The following MAST2 variants were observed in gnomAD, a reference collection of about 807,000 sequenced individuals.
MAST2 encodes microtubule-associated serine/threonine-protein kinase 2.
In MAST2, 70 loss-of-function variants were observed where a neutral mutation model predicts 147.4. That is an observed-to-expected ratio of 0.47 (90% CI 0.39 to 0.58). MAST2 has a LOEUF of 0.58. Among genes scored for constraint, MAST2 ranks in the 20% least tolerant of loss-of-function variants. MAST2 has a pLI of 0.00. For synonymous variants in MAST2, 869 were observed against 896.8 expected (o/e 0.97, Z 0.55); for missense variants, 2,080 against 2,302.3 (o/e 0.90, Z 1.98).
At chr1:45,881,656 G>A (rs11211214) in intron 3 of MAST2, among the ~76,000 whole-genome samples, 121,044 of 151,888 alleles carry the variant, frequency 0.8, 48,704 homozygotes, top group East Asian at 0.98. Context: ...ATATTTTCTA[G>A]TTATCACCCA....
chr1:45,945,928 G>A (rs1657963477), intron 4 of MAST2, among the ~76,000 whole-genome samples: 1 of 152,176 alleles, frequency 6.6e-6, no homozygotes, highest in African/African-American at 2.4e-5. Flanking sequence ...GTTTGTGGAT[G>A]GCCTCAGTAG....
At chr1:45,885,050 G>C (rs550059289) in intron 4 of MAST2, among the ~76,000 whole-genome samples, 5 of 152,236 alleles carry the variant, frequency 3.3e-5, no homozygotes, top group African/African-American at 9.6e-5. Context: ...ATTTGAATAA[G>C]TTTAATTACT....
chr1:45,934,745 C>T (rs1655928900), intron 4 of MAST2, among the ~76,000 whole-genome samples: 1 of 152,082 alleles, frequency 6.6e-6, no homozygotes, highest in Admixed American at 6.5e-5. Context: ...TTTAATGGCT[C>T]TGTAGTATTC....
chr1:45,847,553 TG>T, intron 3 of MAST2: 1 of 826,086 alleles, frequency 1.2e-6, no homozygotes, highest in Admixed American at 2.3e-5. Flanking sequence ...TTCTACTATA[TG>T]GATGAATGAC....
chr1:45,810,771 A>G (rs1324875778), intron 1 of MAST2, among the ~76,000 whole-genome samples: 1 of 137,802 alleles, frequency 7.3e-6, no homozygotes, highest in Non-Finnish European at 1.6e-5. Flanking sequence ...AGATCGCGCC[A>G]CGGTACTCCA....
chr1:45,997,313 T>C (rs1458481509), intron 5 of MAST2, among the ~76,000 whole-genome samples: 8 of 152,164 alleles, frequency 5.3e-5, no homozygotes, highest in East Asian at 1.9e-4. Flanking sequence ...CGCAGAGATA[T>C]ATATGCAAGA....
chr1:45,845,786 G>A lies in MAST2; in HGVS notation c.468+16205G>A, dbSNP rs1557827539. On this transcript the variant is annotated intron_variant, in intron 3 of 28. Transcript: ENST00000361297. ...TATCCTCTTTTTCCTTTTTTGAGAC[G>A]GAGTGTCTCTGTCGCCCAGGCTGGA... Among the ~76,000 whole-genome samples the A allele has an allele frequency of 2.6e-5, 4 of 152,024 alleles. No individual in the cohort carries two copies. The South Asian group carries it at 6.2e-4, about 24-fold the overall frequency.
chr1:45,952,495 G>T (rs982034516), intron 4 of MAST2, among the ~76,000 whole-genome samples: 1 of 152,110 alleles, frequency 6.6e-6, no homozygotes, highest in East Asian at 1.9e-4. Context: ...AAATGAATGA[G>T]TTGTACATTT....
chr1:45,899,516 G>A (rs906951195), intron 4 of MAST2, among the ~76,000 whole-genome samples: 1 of 151,616 alleles, frequency 6.6e-6, no homozygotes, highest in Non-Finnish European at 1.5e-5. Flanking sequence ...ATGACCACAC[G>A]TACCCATTGT....
Position 46,034,520 on chromosome 1 carries a change from G to T in MAST2, c.3869-18G>T, listed in dbSNP as rs979502206. Reference sequence around the variant, plus strand: ...CTGCTCTGCTTTTGTCTGTCTGTCTGTCTGTCTCTGTACAAAGTGGGAGGG... The same window carrying T: ...CTGCTCTGCTTTTGTCTGTCTGTCTTTCTGTCTCTGTACAAAGTGGGAGGG... On this transcript the variant is annotated intron_variant, in intron 28 of 28. Transcript: ENST00000361297. The T allele has an allele frequency of 6.2e-7, 1 of 1,606,288 alleles. No individual in the cohort carries two copies. The highest frequency in any genetic ancestry group is 2.2e-5 in the East Asian group (1 of 44,806).
At chr1:45,817,655 A>C (rs1298180645) in intron 1 of MAST2, among the ~76,000 whole-genome samples, 1 of 152,198 alleles carries the variant, frequency 6.6e-6, no homozygotes, top group African/African-American at 2.4e-5. Context: ...GACTGGTAAT[A>C]GTAAGTACAC....
intron 1 of MAST2, among the ~76,000 whole-genome samples, chr1:45,814,505 A>G (rs1443362028): frequency 2.6e-5 from 4 of 152,220 alleles, no homozygotes; most frequent in African/African-American, 7.2e-5. Context: ...AGCTTATATA[A>G]TAAGGATAAT....
chr1:45,992,709 G>A (rs959128405), intron 5 of MAST2, among the ~76,000 whole-genome samples: 3 of 151,996 alleles, frequency 2.0e-5, no homozygotes, highest in African/African-American at 7.3e-5. Context: ...TTTCTTTAAT[G>A]GAGTCTTTCT....
chr1:45,893,595 AT>A (rs200040078), intron 4 of MAST2, among the ~76,000 whole-genome samples: 3,597 of 131,086 alleles, frequency 0.027, 54 homozygotes, highest in African/African-American at 0.037. Context: ...CCTGTAGGAT[AT>A]TTTAAAAAAA....
chr1:45,941,196 T>C (rs1315272545), intron 4 of MAST2, among the ~76,000 whole-genome samples: 1 of 152,230 alleles, frequency 6.6e-6, no homozygotes, highest in Non-Finnish European at 1.5e-5. Flanking sequence ...TTTTCACACA[T>C]GTATTTGGTG....
chr1:46,029,415 C>T, intron 18 of MAST2, 51 bp from the exon 19 acceptor site: 2 of 1,481,526 alleles, frequency 1.3e-6, no homozygotes, highest in Non-Finnish European at 1.9e-6. Context: ...TTCTGCATCT[C>T]TCCACTCTAC....
At chr1:45,872,520 T>C (rs1646437989) in intron 3 of MAST2, among the ~76,000 whole-genome samples, 3 of 151,750 alleles carry the variant, frequency 2.0e-5, no homozygotes, top group Admixed American at 2.0e-4. Flanking sequence ...TGCTCTTGCT[T>C]CCCAGGCTGG....
chr1:45,882,327 GTTC>G (rs775760463), intron 3 of MAST2, 34 bp from the exon 4 acceptor site: 3 of 1,560,320 alleles, frequency 1.9e-6, no homozygotes, highest in South Asian at 1.1e-5. Flanking sequence ...ACTCAGATGG[GTTC>G]TTATTTCTAA....
In MAST2 at chr1:46,030,766, G is replaced by T. The variant is rs1185073279; in HGVS notation, c.2708+5G>T. The T allele has an allele frequency of 1.9e-6, 3 of 1,570,632 alleles. No individual in the cohort carries two copies. The highest frequency in any genetic ancestry group is 2.6e-6 in the Non-Finnish European group (3 of 1,162,828). On this transcript the variant is annotated splice_donor_5th_base_variant and intron_variant, in intron 22 of 28. Transcript: ENST00000361297. The stretch of plus-strand genomic sequence containing the variant: ...GGTGATTGGCTCCCCTGAGATGTGA[G>T]CACCCAGAGTTCACCCAGGGTGGGC...
Sources: gnomAD v4.1 joint callset for allele counts (sites outside exome capture counted in the v4.1 genomes callset) on GRCh38, gnomAD v4.1.1 for gene constraint, MANE v1.5 for transcripts, NCBI Gene and HGNC (gene_info 2026-07-23, HGNC 2026-07-21) for gene names.